The following TSHZ2 variants were observed in gnomAD, a reference collection of about 807,000 sequenced individuals.
The protein encoded by TSHZ2 is teashirt zinc finger homeobox 2.
Under a neutral mutation model 74.4 loss-of-function variants are expected in TSHZ2, and 21 were observed. The observed-to-expected ratio is 0.28, with a 90% CI of 0.20 to 0.41. The LOEUF (loss-of-function observed/expected upper bound fraction) is 0.41. TSHZ2 is among the 10% of genes least tolerant of loss of function. The pLI is 1.00. For missense variants in TSHZ2, 1,244 were observed against 1,293.5 expected (o/e 0.96, Z 0.59); for synonymous variants, 540 against 515.3 (o/e 1.05, Z -0.65).
intron 2 of TSHZ2, among the ~76,000 whole-genome samples, chr20:53,339,016 C>T (rs1333774255): frequency 6.6e-6 from 1 of 152,190 alleles, no homozygotes; most frequent in African/African-American, 2.4e-5. Context: ...TCCAAATTTT[C>T]TCTCTCTGAA....
chr20:53,032,924 G>C (rs1983689789), intron 1 of TSHZ2, among the ~76,000 whole-genome samples: 1 of 152,110 alleles, frequency 6.6e-6, no homozygotes, highest in Non-Finnish European at 1.5e-5. Context: ...GTGAAATGTA[G>C]ATAATAATCG....
intron 1 of TSHZ2, among the ~76,000 whole-genome samples, chr20:53,244,464 G>A (rs6022353): frequency 6.6e-6 from 1 of 152,220 alleles, no homozygotes; most frequent in South Asian, 2.1e-4. Context: ...CTGGGTGTAA[G>A]GATAATGTAA....
intron 2 of TSHZ2, among the ~76,000 whole-genome samples, chr20:53,265,575 A>G (rs1990697581): frequency 6.6e-6 from 1 of 152,154 alleles, no homozygotes; most frequent in African/African-American, 2.4e-5. Context: ...CTGTTGTATA[A>G]TAGGCGCCAT....
intron 1 of TSHZ2, among the ~76,000 whole-genome samples, chr20:53,046,210 C>G (rs975855637): frequency 6.6e-6 from 1 of 152,184 alleles, no homozygotes; most frequent in Admixed American, 6.5e-5. Flanking sequence ...ACCGCAAGCT[C>G]TAGCCTTGAA....
chr20:53,049,213 C>G (rs1229490762), intron 1 of TSHZ2, among the ~76,000 whole-genome samples: 1 of 151,986 alleles, frequency 6.6e-6, no homozygotes, highest in Non-Finnish European at 1.5e-5. Flanking sequence ...AAAGAGGGGC[C>G]CCTAATCCCT....
In TSHZ2 at chr20:53,465,269, TTGTG is replaced by T. The variant is rs149559919; in HGVS notation, c.*9-21858_*9-21855del. On this transcript the variant is annotated intron_variant, in intron 2 of 2. Coordinates refer to ENST00000371497, the MANE Select transcript of TSHZ2 (RefSeq NM_173485.6). ...TGGTAAAGGGAAATAGTTATTACTT[TTGTG>T]TGTGTGTGTGTGTGTGAGACAGAGT... Among the ~76,000 whole-genome samples, 6 of 150,564 alleles carry T rather than the reference TTGTG, an allele frequency of 4.0e-5. No individual in the cohort carries two copies. The East Asian group carries it at 5.8e-4, about 15-fold the overall frequency.
intron 1 of TSHZ2, among the ~76,000 whole-genome samples, chr20:53,249,074 C>G (rs377251598): frequency 6.6e-6 from 1 of 151,998 alleles, no homozygotes; most frequent in Non-Finnish European, 1.5e-5. Context: ...CTCCTGACCT[C>G]GGGTGATCTG....
intron 1 of TSHZ2, among the ~76,000 whole-genome samples, chr20:53,195,997 G>C (rs1367337398): frequency 3.3e-5 from 5 of 152,064 alleles, no homozygotes; most frequent in Non-Finnish European, 5.9e-5. Flanking sequence ...TGGCTCGTTG[G>C]GAAGGCATAA....
chr20:53,199,211 C>T (rs960233617), intron 1 of TSHZ2, among the ~76,000 whole-genome samples: 4 of 152,180 alleles, frequency 2.6e-5, no homozygotes, highest in Non-Finnish European at 5.9e-5. Context: ...AAAATCAAGA[C>T]ATGTGGCTGG....
At chr20:53,274,008 C>T (rs928458448) in intron 2 of TSHZ2, among the ~76,000 whole-genome samples, 1 of 152,180 alleles carries the variant, frequency 6.6e-6, no homozygotes, top group South Asian at 2.1e-4. Context: ...TGGCCGGGCG[C>T]AGTGACTCAC....
chr20:53,226,010 G>T (rs1037929670), intron 1 of TSHZ2, among the ~76,000 whole-genome samples: 2 of 152,026 alleles, frequency 1.3e-5, no homozygotes, highest in African/African-American at 4.8e-5. Flanking sequence ...GAATATATGT[G>T]ACATAAAGAA....
In TSHZ2 at chr20:53,255,693, C is replaced by G. The variant is rs763422901; in HGVS notation, c.2235C>G (p.Ala745=). 1 of 1,595,472 alleles carries G rather than the reference C, an allele frequency of 6.3e-7. No homozygotes were observed. The highest frequency in any genetic ancestry group is 8.5e-7 in the Non-Finnish European group (1 of 1,170,800). Residue 745 remains alanine (A), a synonymous_variant, in exon 2 of 3, where the codon GCC becomes GCG. Coordinates refer to ENST00000371497, the MANE Select transcript of TSHZ2 (RefSeq NM_173485.6). The surrounding 1 kb of genome is among the most constrained non-coding windows in gnomAD (Gnocchi z 4.1). ...NVMDKPVLSP[A]STRSASVSRR... ...TGGACAAGCCGGTCTTGAGTCCTGC[C>G]TCCACAAGGTCAGCCAGCGTGTCCA...
chr20:53,449,012 T>C (rs1984667050), intron 2 of TSHZ2, among the ~76,000 whole-genome samples: 2 of 152,196 alleles, frequency 1.3e-5, no homozygotes, highest in South Asian at 4.1e-4. Flanking sequence ...CATCACCTAT[T>C]TTTAGAAAAG....
chr20:52,994,526 T>C (rs538833620), intron 1 of TSHZ2, among the ~76,000 whole-genome samples: 3 of 152,154 alleles, frequency 2.0e-5, no homozygotes, highest in Non-Finnish European at 4.4e-5. Flanking sequence ...CAAGCTCATG[T>C]CTATATGTTT....
chr20:53,404,478 A>G (rs1982773719), intron 2 of TSHZ2, among the ~76,000 whole-genome samples: 1 of 152,246 alleles, frequency 6.6e-6, no homozygotes, highest in Admixed American at 6.5e-5. Flanking sequence ...CAAGTACTAA[A>G]AGACACTTGA....
chr20:53,338,826 A>G lies in TSHZ2; in HGVS notation c.*8+82255A>G, dbSNP rs544104008. Among the ~76,000 whole-genome samples the G allele has an allele frequency of 3.3e-5, 5 of 152,332 alleles. No individual in the cohort carries two copies. In the East Asian group the frequency reaches 9.6e-4, roughly 29 times the overall value. On this transcript the variant is annotated intron_variant, in intron 2 of 2. Coordinates refer to ENST00000371497, the MANE Select transcript of TSHZ2 (RefSeq NM_173485.6). ...CTGAGGGCGAGAAGTCCTGCTCCAG[A>G]GTCCCTGTGAGCCTTTCCTCACAGG...
chr20:53,265,771 T>A (rs1990703361), intron 2 of TSHZ2, among the ~76,000 whole-genome samples: 1 of 152,200 alleles, frequency 6.6e-6, no homozygotes, highest in African/African-American at 2.4e-5. Context: ...CATAAGTAAT[T>A]AATTTTGTTC....
rs1334249691 is a variant in TSHZ2 at position 53,460,071 on chromosome 20, T to A, written c.*9-27073T>A. ...CTTCTCAAGGAGTATCTTTGTGGCG[T>A]TCTCTGTATTTCCTGAAGCTGAACG... On this transcript the variant is annotated intron_variant, in intron 2 of 2. Coordinates refer to ENST00000371497, the MANE Select transcript of TSHZ2 (RefSeq NM_173485.6). Among the ~76,000 whole-genome samples the A allele has an allele frequency of 3.9e-5, 6 of 152,170 alleles. No homozygotes were observed. In the East Asian group the frequency reaches 1.2e-3, roughly 29 times the overall value.
intron 1 of TSHZ2, among the ~76,000 whole-genome samples, chr20:52,996,325 T>TTATTTATA (rs1341769110): frequency 4.5e-4 from 65 of 144,472 alleles, no homozygotes; most frequent in African/African-American, 1.6e-3. Flanking sequence ...ATTTATTTAT[T>TTATTTATA]TATTTATTTA....
Sources: allele counts gnomAD v4.1 joint callset (sites outside exome capture counted in the v4.1 genomes callset), GRCh38; gene constraint gnomAD v4.1.1; non-coding constraint Gnocchi (gnomAD v3.1); transcripts MANE v1.5; gene names NCBI Gene and HGNC (gene_info 2026-07-23, HGNC 2026-07-21).